Variants in NUMB observed in about 807,000 individuals in gnomAD.
NUMB encodes the protein protein numb homolog.
In NUMB, 29 loss-of-function variants were observed where a neutral mutation model predicts 59.7. The observed-to-expected ratio is 0.49, with a 90% confidence interval of 0.36 to 0.66. The LOEUF is 0.66. NUMB is among the 30% of genes least tolerant of loss of function. The pLI, the probability that NUMB is intolerant of heterozygous loss-of-function variation, is 0.00. For missense variants in NUMB, 723 were observed against 822.0 expected (o/e 0.88, Z 1.47); for synonymous variants, 288 against 288.2 (o/e 1.00, Z 0.01).
chr14:73,377,164 T>C lies in NUMB; in HGVS notation c.-100-10183A>G, dbSNP rs914882286. 3.9e-5 allele frequency among the ~76,000 whole-genome samples: 6 copies of C among 152,062 alleles called. No individual in the cohort carries two copies. The South Asian group carries it at 8.3e-4, about 21-fold the overall frequency. On this transcript the variant is annotated intron_variant, in intron 2 of 12. Coordinates refer to ENST00000555238, the MANE Select transcript of NUMB (RefSeq NM_001005743.2). ...TAACATAGGATAACATCTAGATGAC[T>C]TTGGGTAAGGCAATGACTTTTAAAA...
At chr14:73,350,267 G>A (rs1346372394) in intron 4 of NUMB, among the ~76,000 whole-genome samples, 2 of 146,994 alleles carry the variant, frequency 1.4e-5, no homozygotes, top group Non-Finnish European at 3.0e-5. Flanking sequence ...TCTGCCTCCC[G>A]GGTTCAAGCA....
chr14:73,290,640 G>A (rs1336467355), intron 8 of NUMB, among the ~76,000 whole-genome samples: 1 of 152,182 alleles, frequency 6.6e-6, no homozygotes, highest in Non-Finnish European at 1.5e-5. Context: ...TAACCTTCAC[G>A]AATGGCTATA....
At chr14:73,309,552 C>T (rs928399104) in intron 6 of NUMB, among the ~76,000 whole-genome samples, 5 of 151,882 alleles carry the variant, frequency 3.3e-5, no homozygotes, top group Non-Finnish European at 7.4e-5. Context: ...AGGGGAACAC[C>T]ACACACTGGG....
chr14:73,326,849 T>C (rs1351467127), intron 4 of NUMB, among the ~76,000 whole-genome samples: 1 of 152,190 alleles, frequency 6.6e-6, no homozygotes, highest in African/African-American at 2.4e-5. Flanking sequence ...CAGAAAGGTA[T>C]GTTTGATCAC....
intron 2 of NUMB, among the ~76,000 whole-genome samples, chr14:73,378,643 G>A (rs1211357654): frequency 2.6e-5 from 4 of 152,158 alleles, no homozygotes; most frequent in Admixed American, 2.0e-4. Flanking sequence ...AGTGAAAAAA[G>A]CCAATCTGAA....
At chr14:73,369,467 C>T (rs1894557693) in intron 2 of NUMB, among the ~76,000 whole-genome samples, 1 of 152,162 alleles carries the variant, frequency 6.6e-6, no homozygotes, top group Non-Finnish European at 1.5e-5. Flanking sequence ...TAAAATAAGA[C>T]TATTCACTCA....
chr14:73,288,845 G>A (rs903808361), intron 8 of NUMB, among the ~76,000 whole-genome samples: 8 of 151,816 alleles, frequency 5.3e-5, no homozygotes, highest in African/African-American at 1.9e-4. Flanking sequence ...GGCAACAAGA[G>A]CAAAACTCCG....
chr14:73,384,574 A>G (rs908149193), intron 2 of NUMB, among the ~76,000 whole-genome samples: 4 of 152,104 alleles, frequency 2.6e-5, no homozygotes, highest in East Asian at 3.9e-4. Flanking sequence ...TTAAAAAACT[A>G]TAATTTTTTT....
chr14:73,310,539 A>C (rs1731207243), intron 6 of NUMB, among the ~76,000 whole-genome samples: 1 of 152,202 alleles, frequency 6.6e-6, no homozygotes, highest in African/African-American at 2.4e-5. Context: ...GAATGACAGA[A>C]CATCAACATG....
chr14:73,445,445 G>A (rs574691751), intron 1 of NUMB, among the ~76,000 whole-genome samples: 43 of 140,368 alleles, frequency 3.1e-4, no homozygotes, highest in Middle Eastern at 9.3e-3. Context: ...CGTTTTTCCA[G>A]AGATGGACTA....
intron 1 of NUMB, among the ~76,000 whole-genome samples, chr14:73,453,211 T>C (rs575642083): frequency 1.3e-5 from 2 of 152,260 alleles, no homozygotes; most frequent in Admixed American, 1.3e-4. Context: ...TGGCTCACTG[T>C]AACCTCCGCC....
chr14:73,399,649 TA>T (rs1401631843), intron 2 of NUMB, among the ~76,000 whole-genome samples: 2 of 152,274 alleles, frequency 1.3e-5, no homozygotes, highest in East Asian at 1.9e-4. Flanking sequence ...CTCCAGAGGC[TA>T]AACTAGGAGG....
Position 73,425,547 on chromosome 14 carries a change from G to A in NUMB, c.-232-15479C>T, listed in dbSNP as rs1212295039. Among the ~76,000 whole-genome samples, 7 of 152,082 alleles carry A rather than the reference G, an allele frequency of 4.6e-5. No homozygotes were observed. In the South Asian group the frequency reaches 8.3e-4, roughly 18 times the overall value. ...ATGTCTCACCCAAGTGCCTCAAAAC[G>A]TGCCGTAATTCCCAAACAGATTTAC... On this transcript the variant is annotated intron_variant, in intron 1 of 12. Coordinates refer to ENST00000555238, the MANE Select transcript of NUMB (RefSeq NM_001005743.2).
chr14:73,454,300 A>T (rs976661879), intron 1 of NUMB, among the ~76,000 whole-genome samples: 1 of 152,230 alleles, frequency 6.6e-6, no homozygotes, highest in African/African-American at 2.4e-5. Context: ...CCTGTTACAC[A>T]CAACAGATGT....
chr14:73,333,772 CT>C (rs1367890441), intron 4 of NUMB, among the ~76,000 whole-genome samples: 1 of 151,858 alleles, frequency 6.6e-6, no homozygotes, highest in African/African-American at 2.4e-5. Flanking sequence ...GTTGCTCATG[CT>C]TTTAATGTCT....
intron 8 of NUMB, among the ~76,000 whole-genome samples, chr14:73,292,343 G>C (rs752565334): frequency 6.6e-6 from 1 of 152,162 alleles, no homozygotes; most frequent in Non-Finnish European, 1.5e-5. Context: ...ATCAGGCCCA[G>C]CCAACTTCTT....
intron 2 of NUMB, among the ~76,000 whole-genome samples, chr14:73,396,998 C>T (rs899118099): frequency 6.6e-6 from 1 of 152,114 alleles, no homozygotes; most frequent in Non-Finnish European, 1.5e-5. Flanking sequence ...GTGGCGCACA[C>T]CTGTAATTCC....
intron 1 of NUMB, among the ~76,000 whole-genome samples, chr14:73,453,743 G>A (rs1884154549): frequency 1.3e-5 from 2 of 151,888 alleles, no homozygotes; most frequent in Non-Finnish European, 2.9e-5. Flanking sequence ...GAGTAGCTGG[G>A]ACTACAGTCG....
chr14:73,280,947 G>C (rs1888592712), intron 11 of NUMB, among the ~76,000 whole-genome samples: 1 of 152,056 alleles, frequency 6.6e-6, no homozygotes, highest in South Asian at 2.1e-4. Flanking sequence ...GCCTGCCTCA[G>C]CCTCCCTGTT....
Sources: allele counts gnomAD v4.1 joint callset (sites outside exome capture counted in the v4.1 genomes callset), GRCh38; gene constraint gnomAD v4.1.1; transcripts MANE v1.5; gene names NCBI Gene and HGNC (gene_info 2026-07-23, HGNC 2026-07-21).